Variants in PPP3CB observed in about 807,000 individuals in gnomAD.
PPP3CB encodes serine/threonine-protein phosphatase 2B catalytic subunit beta isoform.
In PPP3CB, 8 loss-of-function variants were observed where a neutral mutation model predicts 66.4. The observed-to-expected ratio is 0.12, with a 90% CI of 0.07 to 0.22. The LOEUF is 0.22. PPP3CB is among the 10% of genes least tolerant of loss of function. The pLI is 1.00. For missense variants in PPP3CB, 319 were observed against 642.5 expected, an observed-to-expected ratio of 0.50 and a Z score of 5.44; for synonymous variants, 208 against 221.2, an observed-to-expected ratio of 0.94 and a Z score of 0.53.
intron 9 of PPP3CB, among the ~76,000 whole-genome samples, chr10:73,459,642 T>C (rs994286415): frequency 2.3e-4 from 35 of 152,230 alleles, no homozygotes; most frequent in Non-Finnish European, 5.9e-5. Flanking sequence ...TAAAAAGGAA[T>C]GTTGTACTGC....
chr10:73,487,544 T>C lies in PPP3CB; in HGVS notation c.86-8027A>G, dbSNP rs190656693. ...GCCAGGGCAACAGAGTGAGACTCCA[T>C]CTCAAAAAAAAACCAAAACCAAAAA... On this transcript the variant is annotated intron_variant, in intron 1 of 13. Coordinates refer to ENST00000360663, the MANE Select transcript of PPP3CB (RefSeq NM_021132.4). 5.7e-3 allele frequency among the ~76,000 whole-genome samples: 589 copies of C among 102,790 alleles called. 3 individuals carry two copies. The highest frequency in any genetic ancestry group is 0.011 in the Middle Eastern group (1 of 92). 67.4% of individuals were successfully genotyped at this position (102,790 alleles called of 152,430 possible).
At chr10:73,457,238 C>T (rs916359891) in intron 9 of PPP3CB, among the ~76,000 whole-genome samples, 78 of 48,314 alleles carry the variant, frequency 1.6e-3, no homozygotes, top group African/African-American at 5.6e-3. Flanking sequence ...CTAGGCAACA[C>T]AAAGATCCCA....
intron 1 of PPP3CB, among the ~76,000 whole-genome samples, chr10:73,484,788 A>G (rs928208112): frequency 3.3e-5 from 5 of 151,950 alleles, no homozygotes; most frequent in Non-Finnish European, 7.4e-5. Flanking sequence ...GTGGTGGCTC[A>G]CGCCTGTAAT....
chr10:73,476,817 A>T (rs1274626109), intron 3 of PPP3CB, among the ~76,000 whole-genome samples: 1 of 152,184 alleles, frequency 6.6e-6, no homozygotes, highest in Non-Finnish European at 1.5e-5. Context: ...GACGAGGCTA[A>T]TAATCAACTA....
chr10:73,460,860 C>G (rs547390644), intron 9 of PPP3CB, among the ~76,000 whole-genome samples: 1 of 152,194 alleles, frequency 6.6e-6, no homozygotes, highest in African/African-American at 2.4e-5. Flanking sequence ...TTGGTGGTTT[C>G]CACTTAGATT....
intron 1 of PPP3CB, among the ~76,000 whole-genome samples, chr10:73,485,392 T>C (rs1201283610): frequency 6.6e-6 from 1 of 152,192 alleles, no homozygotes; most frequent in African/African-American, 2.4e-5. Context: ...CAAGGAAACC[T>C]GAGAATTAAC....
At chr10:73,484,900 AAATTAGCCCGGGC>A (rs2133007913) in intron 1 of PPP3CB, among the ~76,000 whole-genome samples, 1 of 150,334 alleles carries the variant, frequency 6.7e-6, no homozygotes, top group Non-Finnish European at 1.5e-5. Flanking sequence ...AAAAACCCCA[AAATTAGCCCGGGC>A]ATGGTGGTGC....
chr10:73,456,640 T>C (rs2056432029), intron 9 of PPP3CB, among the ~76,000 whole-genome samples: 1 of 152,168 alleles, frequency 6.6e-6, no homozygotes, highest in African/African-American at 2.4e-5. Context: ...AATGGTCACA[T>C]GCGAAAGAAT....
intron 10 of PPP3CB, among the ~76,000 whole-genome samples, chr10:73,453,326 A>G (rs547914568): frequency 6.6e-6 from 1 of 150,958 alleles, no homozygotes; most frequent in African/African-American, 2.5e-5. Flanking sequence ...GCTATTATAC[A>G]AATATGTTTA....
intron 10 of PPP3CB, among the ~76,000 whole-genome samples, chr10:73,451,251 C>T (rs1436210712): frequency 6.6e-6 from 1 of 151,564 alleles, no homozygotes; most frequent in Non-Finnish European, 1.5e-5. Flanking sequence ...ATATCAATCC[C>T]CTATAAATGA....
chr10:73,453,418 G>T (rs1378626808), intron 10 of PPP3CB, among the ~76,000 whole-genome samples: 1 of 152,144 alleles, frequency 6.6e-6, no homozygotes, highest in Non-Finnish European at 1.5e-5. Flanking sequence ...GTGTGTGTGT[G>T]TGTGTATATA....
intron 10 of PPP3CB, among the ~76,000 whole-genome samples, chr10:73,451,330 TGTTA>T (rs1401770226): frequency 1.3e-5 from 2 of 152,022 alleles, no homozygotes; most frequent in Non-Finnish European, 1.5e-5. Context: ...GATTCAAGTT[TGTTA>T]GATATAAGAT....
rs143111205 is a variant in PPP3CB, at chr10:73,450,400, A to C, written c.1187-3827T>G. Reference sequence around the variant, plus strand: ...ACAAATAAGGAAGGGAAATAAACCTATTTCCAGTAGCTCTTTCCCTACCCC... The same window carrying C: ...ACAAATAAGGAAGGGAAATAAACCTCTTTCCAGTAGCTCTTTCCCTACCCC... On this transcript the variant is annotated intron_variant, in intron 10 of 13. Coordinates refer to ENST00000360663, the MANE Select transcript of PPP3CB (RefSeq NM_021132.4). Among the ~76,000 whole-genome samples the C allele has an allele frequency of 2.7e-5, 4 of 150,464 alleles. No individual in the cohort carries two copies. In the East Asian group the frequency reaches 8.0e-4, roughly 30 times the overall value.
chr10:73,459,244 T>C (rs2132859054), intron 9 of PPP3CB, among the ~76,000 whole-genome samples: 1 of 152,216 alleles, frequency 6.6e-6, no homozygotes, highest in African/African-American at 2.4e-5. Flanking sequence ...ATCCCAGCAC[T>C]TTGGGAGGCC....
At chr10:73,443,082 C>T (rs746257817) in intron 12 of PPP3CB, among the ~76,000 whole-genome samples, 2 of 151,306 alleles carry the variant, frequency 1.3e-5, no homozygotes, top group African/African-American at 2.4e-5. Flanking sequence ...TGCCTATGGT[C>T]TTAGCTACTT....
rs114693575 is a variant in PPP3CB, at chr10:73,468,608, T to C, written c.983-930A>G. On this transcript the variant is annotated intron_variant, in intron 8 of 13. Transcript: ENST00000360663. ...ATAAAAGTATAAAATGTCTTGTAGA[T>C]ATAATTTTATGGTTACTTTTTTTTC... Among the ~76,000 whole-genome samples the C allele has an allele frequency of 7.7e-3, 1,171 of 152,338 alleles. 17 individuals carry two copies. The highest frequency in any genetic ancestry group is 0.027 in the African/African-American group (1,114 of 41,590).
intron 10 of PPP3CB, among the ~76,000 whole-genome samples, chr10:73,449,360 GA>G (rs139559784): frequency 0.049 from 7,536 of 152,244 alleles, 570 homozygotes; most frequent in African/African-American, 0.16. Flanking sequence ...TCCAATCTGG[GA>G]AATTTGGGGG....
intron 3 of PPP3CB, 82 bp from the exon 4 acceptor site, chr10:73,475,112 C>A: frequency 1.4e-6 from 2 of 1,475,772 alleles, no homozygotes; most frequent in Non-Finnish European, 9.0e-7. Context: ...TTTTCCTCTA[C>A]TACCCTTACC....
At chr10:73,461,017 G>C (rs1387315386) in intron 9 of PPP3CB, among the ~76,000 whole-genome samples, 1 of 152,212 alleles carries the variant, frequency 6.6e-6, no homozygotes, top group Non-Finnish European at 1.5e-5. Flanking sequence ...TGTGAGAAAG[G>C]GCTGCTGCCC....
Sources: allele counts gnomAD v4.1 joint callset (sites outside exome capture counted in the v4.1 genomes callset), GRCh38; gene constraint gnomAD v4.1.1; transcripts MANE v1.5; gene names NCBI Gene and HGNC (gene_info 2026-07-23, HGNC 2026-07-21).